NHSL2: variants seen among roughly 807,000 people sequenced by gnomAD.
The protein encoded by NHSL2 is NHS-like protein 2.
A neutral mutation model predicts 53.4 loss-of-function variants in NHSL2; 27 were observed. That is an observed-to-expected ratio of 0.51 (90% CI 0.37 to 0.70). The LOEUF is 0.70. NHSL2 is among the 30% of genes least tolerant of loss of function. The pLI is 0.00. For synonymous variants in NHSL2, 408 were observed against 404.1 expected (o/e 1.01, Z -0.12); for missense variants, 892 against 980.1 (o/e 0.91, Z 1.20).
chrX:72,131,432 C>G (rs779574417), intron 1 of NHSL2: 2 of 1,211,007 alleles, frequency 1.7e-6, no homozygotes, highest in Non-Finnish European at 2.2e-6. Flanking sequence ...AGGGCTCTCC[C>G]GAGCTGGAGG....
chrX:71,963,949 C>CTATATATATATATA (rs1447693800), intron 1 of NHSL2, among the ~76,000 whole-genome samples: 264 of 24,529 alleles, frequency 0.011, 3 homozygotes, highest in Middle Eastern at 0.088. Flanking sequence ...GGTGGAGTGG[C>CTATATATATATATA]TATATATATA....
intron 1 of NHSL2, among the ~76,000 whole-genome samples, chrX:72,036,234 C>T (rs189954957): frequency 9.0e-6 from 1 of 111,647 alleles, no homozygotes; most frequent in African/African-American, 3.3e-5. Context: ...ATTTCCCCAT[C>T]ATTCCTGAAG....
intron 1 of NHSL2, among the ~76,000 whole-genome samples, chrX:72,098,716 G>A (rs922965078): frequency 2.7e-5 from 3 of 111,297 alleles, no homozygotes. Context: ...TATTTTAATA[G>A]TTTTATGTTA....
intron 1 of NHSL2, among the ~76,000 whole-genome samples, chrX:72,018,699 C>G (rs866427225): frequency 3.6e-4 from 41 of 112,620 alleles, no homozygotes; most frequent in Non-Finnish European, 6.2e-4. Context: ...TGGAAGCAGC[C>G]GGGCCCCCGC....
At chrX:72,089,668 G>A (rs1303098156) in intron 1 of NHSL2, among the ~76,000 whole-genome samples, 1 of 110,929 alleles carries the variant, frequency 9.0e-6, no homozygotes, top group Non-Finnish European at 1.9e-5. Context: ...TGCAACCACA[G>A]CAACACCCAA....
At chrX:72,063,009 A>C (rs1207282037) in intron 1 of NHSL2, among the ~76,000 whole-genome samples, 1 of 111,416 alleles carries the variant, frequency 9.0e-6, no homozygotes, top group Non-Finnish European at 1.9e-5. Context: ...GGGCCTGCCC[A>C]AGGTCATAGA....
At chrX:71,992,150 T>C (rs1172487498) in intron 1 of NHSL2, among the ~76,000 whole-genome samples, 1 of 112,468 alleles carries the variant, frequency 8.9e-6, no homozygotes, top group South Asian at 3.7e-4. Flanking sequence ...AGGGCTGGTG[T>C]GGGTGTATGT....
rs1050541666 is a variant in NHSL2 at position 72,082,273 on chromosome X, C to T, written c.281-49806C>T. 4.5e-5 allele frequency among the ~76,000 whole-genome samples: 5 copies of T among 110,844 alleles called. No individual in the cohort carries two copies. The South Asian group carries it at 1.1e-3, about 25-fold the overall frequency. On this transcript the variant is annotated intron_variant, in intron 1 of 7. Transcript: ENST00000633930. ...AATCTGGTTGCGCAGGGTGCAGGGG[C>T]GAGGGTGGGGAAGGAAGCAATGCTA...
chrX:72,140,260 GC>G lies in NHSL2; in HGVS notation c.2718del (p.Arg907GlyfsTer17). 1 of 1,210,035 alleles carries G rather than the reference GC, an allele frequency of 8.3e-7. No individual in the cohort carries two copies. Among genetic ancestry groups the G allele is most frequent in the Non-Finnish European group, 1.1e-6 (1 of 894,814 alleles). On this transcript the variant is annotated frameshift_variant, in exon 6 of 8. Coordinates refer to ENST00000633930, the MANE Select transcript of NHSL2 (RefSeq NM_001013627.3). LOFTEE classifies it high-confidence loss of function. ...YALTSPTLAM[P>X]PRSSIQHARP... Reference sequence around the variant, plus strand: ...CACTAACTTCACCAACCTTGGCTATGCCCCCCAGGAGCTCAATTCAACATGC... The same window carrying G: ...CACTAACTTCACCAACCTTGGCTATGCCCCCAGGAGCTCAATTCAACATGC...
At position 72,144,704 on chromosome X, in the gene NHSL2, GCACACACACA is replaced by G. The variant is rs55912050; in HGVS notation, c.*1163_*1172del. The G allele has an allele frequency of 0.21, 32,980 of 154,970 alleles. 3,478 individuals are homozygous for G. Among genetic ancestry groups the G allele is most frequent in the East Asian group, 0.72 (3,654 of 5,044 alleles). The allele number at this position is 154,970 out of a possible 1,213,427, so 12.8% of individuals were successfully genotyped here. On this transcript the variant is annotated 3_prime_UTR_variant, in exon 8 of 8. Transcript: ENST00000633930. ...CTTGCCAGTTGCTATGGCCCATAAT[GCACACACACA>G]CACACACACACACACACACACACAC...
chrX:71,949,847 C>G (rs188530693), intron 1 of NHSL2, among the ~76,000 whole-genome samples: 13 of 113,036 alleles, frequency 1.2e-4, no homozygotes, highest in African/African-American at 4.2e-4. Flanking sequence ...CCAAGCCACA[C>G]ACAAGGAGTG....
At chrX:72,125,878 C>T (rs1422038398) in intron 1 of NHSL2, among the ~76,000 whole-genome samples, 3 of 112,394 alleles carry the variant, frequency 2.7e-5, no homozygotes, top group East Asian at 2.8e-4. Context: ...ATGCGTGCTT[C>T]GTTGCTTTGG....
intron 3 of NHSL2, 40 bp downstream of exon 3, chrX:72,134,258 A>C (rs1239586547): frequency 8.8e-7 from 1 of 1,140,236 alleles, no homozygotes; most frequent in African/African-American, 1.8e-5. Context: ...GCCAGCATGC[A>C]CCCACTGACA....
intron 1 of NHSL2, among the ~76,000 whole-genome samples, chrX:71,963,949 C>CTATATATATATA (rs1447693800): frequency 1.1e-3 from 26 of 24,534 alleles, no homozygotes; most frequent in Admixed American, 2.4e-3. Context: ...GGTGGAGTGG[C>CTATATATATATA]TATATATATA....
intron 1 of NHSL2, among the ~76,000 whole-genome samples, chrX:71,955,239 GGT>G (rs1224777378): frequency 8.9e-6 from 1 of 111,928 alleles, no homozygotes; most frequent in Non-Finnish European, 1.9e-5. Context: ...TGTGCCTGAT[GGT>G]GTAGCCCACT....
At chrX:71,928,399 A>G (rs1456324269) in intron 1 of NHSL2, among the ~76,000 whole-genome samples, 1 of 112,057 alleles carries the variant, frequency 8.9e-6, no homozygotes, top group Non-Finnish European at 1.9e-5. Flanking sequence ...TAGGGACAGC[A>G]GACATATGCA....
chrX:71,960,533 G>A (rs761500920), intron 1 of NHSL2, among the ~76,000 whole-genome samples: 132 of 112,069 alleles, frequency 1.2e-3, no homozygotes, highest in South Asian at 3.0e-3. Flanking sequence ...TAGTTCTTAC[G>A]TTTTGGTCTT....
In NHSL2 at chrX:72,149,198, G is replaced by A. The variant is rs2042490894; in HGVS notation, c.*5624G>A. The A allele has an allele frequency of 9.3e-6, 1 of 108,094 alleles. No homozygotes were observed. Among genetic ancestry groups the A allele is most frequent in the Non-Finnish European group, 1.9e-5 (1 of 52,340 alleles). The allele number at this position is 108,094 out of a possible 1,213,427, so 8.9% of individuals were successfully genotyped here. ...TAGCCAGCCCATCTGGCCTGCTTTG[G>A]GTTTAAAAAAAAAAAAAAGATTTTT... is the stretch of plus-strand genomic sequence containing the variant. On this transcript the variant is annotated 3_prime_UTR_variant, in exon 8 of 8. Transcript: ENST00000633930.
chrX:72,015,970 A>T (rs1165069049), intron 1 of NHSL2, among the ~76,000 whole-genome samples: 1 of 112,328 alleles, frequency 8.9e-6, no homozygotes, highest in African/African-American at 3.2e-5. Context: ...GCCTAAAAAA[A>T]AATTATTCTT....
Sources: gnomAD v4.1 joint callset for allele counts (sites outside exome capture counted in the v4.1 genomes callset) on GRCh38, gnomAD v4.1.1 for gene constraint, MANE v1.5 for transcripts, NCBI Gene and HGNC (gene_info 2026-07-23, HGNC 2026-07-21) for gene names.